The following TPD52L1 variants were observed in gnomAD, a reference collection of about 807,000 sequenced individuals.
The protein encoded by TPD52L1 is tumor protein D53.
A neutral mutation model predicts 28.7 loss-of-function variants in TPD52L1; 18 were observed. The observed-to-expected ratio is 0.63, with a 90% CI of 0.43 to 0.93. TPD52L1 has a LOEUF of 0.93. Among genes scored for constraint, TPD52L1 ranks in the 40% least tolerant of loss-of-function variants. TPD52L1 has a pLI of 0.00. For synonymous variants in TPD52L1, 75 were observed against 88.8 expected, an observed-to-expected ratio of 0.84 and a Z score of 0.88; for missense variants, 203 against 254.8, an observed-to-expected ratio of 0.80 and a Z score of 1.39.
intron 1 of TPD52L1, among the ~76,000 whole-genome samples, chr6:125,190,555 T>G (rs1020662600): frequency 2.6e-5 from 4 of 152,180 alleles, no homozygotes; most frequent in African/African-American, 9.7e-5. Context: ...ACTGAGCACT[T>G]TATTTCTATT....
At chr6:125,197,276 T>C (rs565321635) in intron 1 of TPD52L1, among the ~76,000 whole-genome samples, 10 of 152,338 alleles carry the variant, frequency 6.6e-5, no homozygotes, top group African/African-American at 2.2e-4. Context: ...TCCAATCCCT[T>C]GAATGATTTT....
rs1426716641 is a variant in TPD52L1 at position 125,190,850 on chromosome 6, C to T, written c.20-29228C>T. 2.0e-5 allele frequency among the ~76,000 whole-genome samples: 3 copies of T among 152,206 alleles called. No individual in the cohort carries two copies. The East Asian group carries it at 5.8e-4, about 29-fold the overall frequency. On this transcript the variant is annotated intron_variant, in intron 1 of 6. Coordinates refer to ENST00000534000, the MANE Select transcript of TPD52L1 (RefSeq NM_003287.4). ...AAGCAATGGGGAGCCACTGTAAATA[C>T]AGATGAAGCCTTGCTGGCTTGCCTG...
intron 1 of TPD52L1, among the ~76,000 whole-genome samples, chr6:125,204,453 G>A (rs376585537): frequency 5.3e-5 from 8 of 152,062 alleles, no homozygotes. Context: ...AAGAAGAAAT[G>A]TGCTTCCCTG....
chr6:125,261,584 G>A (rs1335879789), intron 6 of TPD52L1: 2 of 149,886 alleles, frequency 1.3e-5, no homozygotes, highest in African/African-American at 4.9e-5. Flanking sequence ...TATTTTTAGT[G>A]CATCTACTTT....
chr6:125,185,456 T>C (rs1792538183), intron 1 of TPD52L1, among the ~76,000 whole-genome samples: 1 of 151,986 alleles, frequency 6.6e-6, no homozygotes, highest in Non-Finnish European at 1.5e-5. Context: ...TATTGCCCAA[T>C]AAAACTAGAA....
chr6:125,189,803 G>A (rs1354340790), intron 1 of TPD52L1, among the ~76,000 whole-genome samples: 1 of 152,116 alleles, frequency 6.6e-6, no homozygotes, highest in East Asian at 1.9e-4. Context: ...TATTTTACAT[G>A]AATATTTGAA....
intron 1 of TPD52L1, among the ~76,000 whole-genome samples, chr6:125,195,435 A>G (rs1204621425): frequency 6.6e-6 from 1 of 152,182 alleles, no homozygotes; most frequent in African/African-American, 2.4e-5. Context: ...TACATTGTGG[A>G]CCGCTAAGTC....
intron 2 of TPD52L1, among the ~76,000 whole-genome samples, chr6:125,226,498 C>T (rs542743401): frequency 6.6e-6 from 1 of 152,100 alleles, no homozygotes; most frequent in East Asian, 1.9e-4. Context: ...AATCCACAGC[C>T]CCTCGTGGTT....
chr6:125,233,635 T>A (rs1005165972), intron 3 of TPD52L1, among the ~76,000 whole-genome samples: 1 of 152,230 alleles, frequency 6.6e-6, no homozygotes, highest in South Asian at 2.1e-4. Context: ...TTTTTTTGTA[T>A]CTTTGGTGAA....
At chr6:125,167,142 G>A (rs1790967133) in intron 1 of TPD52L1, among the ~76,000 whole-genome samples, 1 of 152,080 alleles carries the variant, frequency 6.6e-6, no homozygotes. Flanking sequence ...GTGCATGCCT[G>A]TAGTCCCACT....
At chr6:125,226,124 G>A (rs561045023) in intron 2 of TPD52L1, among the ~76,000 whole-genome samples, 3 of 152,234 alleles carry the variant, frequency 2.0e-5, no homozygotes, top group East Asian at 1.9e-4. Flanking sequence ...CAACTTTTGC[G>A]ATTAGTTTTT....
intron 1 of TPD52L1, among the ~76,000 whole-genome samples, chr6:125,215,003 G>C (rs958746611): frequency 1.3e-5 from 2 of 152,082 alleles, no homozygotes; most frequent in Non-Finnish European, 1.5e-5. Flanking sequence ...CCAGACAGGG[G>C]GCCACAGTTT....
chr6:125,208,241 G>C (rs1288716523), intron 1 of TPD52L1, among the ~76,000 whole-genome samples: 1 of 152,186 alleles, frequency 6.6e-6, no homozygotes, highest in Admixed American at 6.5e-5. Flanking sequence ...GATATCATTA[G>C]AGAGCAACAA....
Position 125,216,525 on chromosome 6 carries a change from GTGTGTATATATA to G in TPD52L1, c.20-3551_20-3540del, listed in dbSNP as rs1357556660. Among the ~76,000 whole-genome samples, 988 of 104,850 alleles carry G rather than the reference GTGTGTATATATA, an allele frequency of 9.4e-3. 23 individuals carry two copies. Among genetic ancestry groups the G allele is most frequent in the African/African-American group, 0.02 (419 of 21,232 alleles). The allele number at this position is 104,850 out of a possible 152,430, so 68.8% of individuals were successfully genotyped here. On this transcript the variant is annotated intron_variant, in intron 1 of 6. Coordinates refer to ENST00000534000, the MANE Select transcript of TPD52L1 (RefSeq NM_003287.4). ...GTTTGCAACAGTAAATTCAGTATGT[GTGTGTATATATA>G]TATATATATATATATATATATATAT...
chr6:125,245,246 G>C (rs1331683263), intron 3 of TPD52L1, among the ~76,000 whole-genome samples: 2 of 152,164 alleles, frequency 1.3e-5, no homozygotes, highest in Non-Finnish European at 2.9e-5. Context: ...TGGTTAGCCA[G>C]GATGTTACAG....
intron 6 of TPD52L1, chr6:125,260,972 GAAAGAAAAGAAAAGAAAGAAAGAAAGA>G (rs1797940957): frequency 3.9e-5 from 2 of 51,246 alleles, no homozygotes; most frequent in Non-Finnish European, 6.4e-5. Context: ...AAGAAAGAAA[GAAAGAAAAGAAAAGAAAGAAAGAAAGA>G]AAGAAAGAAA....
At chr6:125,262,759 T>G (rs1442230447) in intron 6 of TPD52L1, 75 bp from the exon 7 acceptor site, 2 of 1,513,774 alleles carry the variant, frequency 1.3e-6, no homozygotes, top group South Asian at 1.3e-5. Context: ...TAATCCAGCT[T>G]TTGGTATTCT....
At chr6:125,250,619 G>A (rs1268148912) in intron 4 of TPD52L1, among the ~76,000 whole-genome samples, 1 of 152,160 alleles carries the variant, frequency 6.6e-6, no homozygotes, top group East Asian at 1.9e-4. Flanking sequence ...TTTCATAAAG[G>A]CCCTGCTCAT....
chr6:125,251,937 G>A, intron 4 of TPD52L1: 2 of 1,419,138 alleles, frequency 1.4e-6, no homozygotes, highest in Non-Finnish European at 1.9e-6. Flanking sequence ...CTTGAAAGGG[G>A]ACCACCAAGG....
Sources: allele counts gnomAD v4.1 joint callset (sites outside exome capture counted in the v4.1 genomes callset), GRCh38; gene constraint gnomAD v4.1.1; transcripts MANE v1.5; gene names NCBI Gene and HGNC (gene_info 2026-07-23, HGNC 2026-07-21).